MAP1A: variants seen among roughly 807,000 people sequenced by gnomAD.
The protein encoded by MAP1A is microtubule associated protein 1A, also known as microtubule-associated protein 1A.
Under a neutral mutation model 185.9 loss-of-function variants are expected in MAP1A, and 42 were observed. The observed-to-expected ratio is 0.23, with a 90% CI of 0.18 to 0.29. MAP1A has a LOEUF of 0.29. Among genes scored for constraint, MAP1A ranks in the 10% least tolerant of loss-of-function variants. The probability of loss-of-function intolerance (pLI) is 1.00; values close to 1 mark genes in which losing one functional copy is unlikely to be tolerated. For missense variants in MAP1A, 2,995 were observed against 3,450.4 expected, an observed-to-expected ratio of 0.87 and a Z score of 3.31; for synonymous variants, 1,229 against 1,335.9, an observed-to-expected ratio of 0.92 and a Z score of 1.74.
In MAP1A at chr15:43,524,906, C is replaced by A. The variant is rs1287340002; in HGVS notation, c.3433C>A (p.Leu1145Ile). ...GGTGCTCAGATATCCTGACCGAAGC[C>A]TCTCTCCTGAAGATGCAGAATCCCT... ...DEVLRYPDRS[L>I]SPEDAESLSV... The change falls in exon 4 of 6, where the codon CTC (leucine) becomes ATC (isoleucine). Residue 1145 changes from leucine (L) to isoleucine (I), a missense_variant. By Grantham distance (5) the Leu-to-Ile change is conservative. This residue lies in a region of MAP1A where 2,728 missense variants were observed against 2,986.0 expected (regional missense o/e 0.91). Coordinates refer to ENST00000300231, the MANE Select transcript of MAP1A (RefSeq NM_002373.6). The A allele has an allele frequency of 6.2e-7, 1 of 1,614,054 alleles. No individual in the cohort carries two copies. The highest frequency in any genetic ancestry group is 1.7e-5 in the Admixed American group (1 of 60,002).
chr15:43,511,106 G>T lies in MAP1A; in HGVS notation c.118G>T (p.Glu40Ter), dbSNP rs1180141066. ...TCAGAACCCCGCGGAGCTGCTGTGCGAGGCCGGAGCCGCGGTGGCGGCTGC... is the reference window on the plus strand; with the variant it reads ...TCAGAACCCCGCGGAGCTGCTGTGCTAGGCCGGAGCCGCGGTGGCGGCTGC... Residue 40 changes from glutamate to a stop codon, truncating the protein, a stop_gained, in exon 1 of 7, where the codon GAG becomes TAG. Transcript: ENST00000382031. LOFTEE classifies it high-confidence loss of function. The T allele has an allele frequency of 1.3e-6, 2 of 1,550,218 alleles. No individual in the cohort carries two copies. The highest frequency in any genetic ancestry group is 1.7e-6 in the Non-Finnish European group (2 of 1,146,854).
Position 43,526,006 on chromosome 15 carries a change from G to T in MAP1A, c.4533G>T (p.Pro1511=). Residue 1511 remains proline (P), a synonymous_variant, in exon 4 of 6, where the codon CCG becomes CCT. Coordinates refer to ENST00000300231, the MANE Select transcript of MAP1A (RefSeq NM_002373.6). The surrounding 1 kb of genome is among the most constrained non-coding windows in gnomAD (Gnocchi z 4.7). ...TCAGAAGTGTTGAACATAAGGCTCC[G>T]GAGGACACGGTCGCTGAAATGAAGG... ...QKVRSVEHKA[P]EDTVAEMKDR... 1 of 1,613,696 alleles carries T rather than the reference G, an allele frequency of 6.2e-7. No individual in the cohort carries two copies. Among genetic ancestry groups the T allele is most frequent in the South Asian group, 1.1e-5 (1 of 91,054 alleles).
In MAP1A at chr15:43,523,126, C is replaced by A; in HGVS notation, c.1653C>A (p.Asp551Glu). ...EERALLAEQR[D>E]TGLGDKPFPL... ...GGGCTTTGCTGGCTGAACAAAGGGA[C>A]ACAGGACTAGGAGATAAGCCATTCC... Residue 551 changes from aspartate to glutamate, a missense_variant, in exon 4 of 6, where the codon GAC becomes GAA. Around this residue, in one of 3 missense-constraint regions of MAP1A, gnomAD observed 2,728 missense variants for 2,986.0 expected, o/e 0.91. Coordinates refer to ENST00000300231, the MANE Select transcript of MAP1A (RefSeq NM_002373.6). 6.2e-7 allele frequency: 1 copy of A among 1,614,134 alleles called. No individual in the cohort carries two copies. The highest frequency in any genetic ancestry group is 8.5e-7 in the Non-Finnish European group (1 of 1,180,034).
In MAP1A at chr15:43,528,006, C is replaced by T. The variant is rs373300975; in HGVS notation, c.6533C>T (p.Pro2178Leu). The T allele has an allele frequency of 1.1e-5, 17 of 1,613,918 alleles. No homozygotes were observed. In the Middle Eastern group the frequency reaches 4.9e-4, roughly 47 times the overall value. ...FGFSSLQPAP[P>L]QLPSPAEPRS... The stretch of plus-strand genomic sequence containing the variant: ...TTCTCCTCATTGCAGCCAGCTCCCC[C>T]ACAGCTGCCCTCTCCAGCTGAACCC... Residue 2178 changes from proline (P) to leucine (L), a missense_variant, in exon 4 of 6, where the codon CCA (proline) becomes CTA (leucine). Physicochemically the swap from Pro to Leu is moderately conservative, Grantham distance 98. Transcript: ENST00000300231.
At position 43,528,685 on chromosome 15, in the gene MAP1A, C is replaced by T. The variant is rs747867359; in HGVS notation, c.7212C>T (p.Asp2404=). 23 of 1,613,688 alleles carry T rather than the reference C, an allele frequency of 1.4e-5. No individual in the cohort carries two copies. Among genetic ancestry groups the T allele is most frequent in the African/African-American group, 2.7e-5 (2 of 74,958 alleles). The stretch of plus-strand genomic sequence containing the variant: ...GAGCTGAGAGGAGCTCCCGGCCTGA[C>T]ACATTGCTCTCCCCTGAGCAGCCAG... The part of the protein sequence containing the change: ...PEGAERSSRP[D]TLLSPEQPVC... The change falls in exon 4 of 6, where the codon GAC becomes GAT. Residue 2404 remains aspartate (D), a synonymous_variant. Transcript: ENST00000300231.
Position 43,529,409 on chromosome 15 carries a change from C to T in MAP1A, c.7936C>T (p.Arg2646Ter). The change falls in exon 4 of 6, where the codon CGA becomes TGA. Residue 2646 changes from arginine (R) to a stop codon, truncating the protein, a stop_gained. Coordinates refer to ENST00000300231, the MANE Select transcript of MAP1A (RefSeq NM_002373.6). LOFTEE classifies it high-confidence loss of function. This position sits in a 1 kb window ranked among gnomAD's most constrained non-coding sequence, Gnocchi z 4.3. The part of the protein sequence containing the change: ...PADRASRAPP[R>*]PRSTTSQVTP... ...AGATCGAGCATCCCGGGCCCCACCT[C>T]GACCACGCAGCACCACAAGCCAGGT... 1.9e-6 allele frequency: 3 copies of T among 1,613,882 alleles called. No individual in the cohort carries two copies. Among genetic ancestry groups the T allele is most frequent in the Non-Finnish European group, 1.7e-6 (2 of 1,180,018 alleles).
Position 43,525,584 on chromosome 15 carries a change from G to C in MAP1A, c.4111G>C (p.Asp1371His). ...EPKDEVLQQK[D>H]KTLEHKEVVE... ...AAAGGATGAAGTTTTACAGCAGAAA[G>C]ACAAAACTCTGGAGCACAAGGAGGT... The change falls in exon 4 of 6, where the codon GAC becomes CAC. Residue 1371 changes from aspartate to histidine, a missense_variant. By Grantham distance (81) the Asp-to-His change is moderately conservative. Around this residue, in one of 3 missense-constraint regions of MAP1A, gnomAD observed 2,728 missense variants for 2,986.0 expected, o/e 0.91. Transcript: ENST00000300231. The C allele has an allele frequency of 6.2e-7, 1 of 1,614,186 alleles. No homozygotes were observed. The highest frequency in any genetic ancestry group is 8.5e-7 in the Non-Finnish European group (1 of 1,180,038).
upstream of MAP1A, among the ~76,000 whole-genome samples, chr15:43,515,438 G>A (rs1208136478): frequency 6.6e-6 from 1 of 152,158 alleles, no homozygotes; most frequent in African/African-American, 2.4e-5. Flanking sequence ...CATACTGCAG[G>A]CATCTTTAGT....
rs1316222846 is a variant in MAP1A, at chr15:43,528,952, T to C, written c.7479T>C (p.Pro2493=). 1 of 1,613,208 alleles carries C rather than the reference T, an allele frequency of 6.2e-7. No individual in the cohort carries two copies. Among genetic ancestry groups the C allele is most frequent in the Admixed American group, 1.7e-5 (1 of 60,020 alleles). The change falls in exon 4 of 6, where the codon CCT becomes CCC. Residue 2493 remains proline (P), a synonymous_variant. Coordinates refer to ENST00000300231, the MANE Select transcript of MAP1A (RefSeq NM_002373.6). The part of the protein sequence containing the change: ...GGPGTTGGPC[P]VTDETPPTSA... ...CAGGGACCACTGGGGGCCCATGCCC[T>C]GTGACTGATGAGACACCCCCTACAT...
chr15:43,527,643 T>G lies in MAP1A; in HGVS notation c.6170T>G (p.Leu2057Arg). The change falls in exon 4 of 6, where the codon CTC becomes CGC. Residue 2057 changes from leucine to arginine, a missense_variant. By Grantham distance (102) the Leu-to-Arg change is moderately radical. Transcript: ENST00000300231. Reference sequence around the variant, plus strand: ...CCAGGGCCAAGTATGGAGCCCAGCCTCACCCCACCTGCAGTTCCCCCCCGT... The same window carrying G: ...CCAGGGCCAAGTATGGAGCCCAGCCGCACCCCACCTGCAGTTCCCCCCCGT... ...PEPGPSMEPS[L>R]TPPAVPPRAP... 4 of 1,612,438 alleles carry G rather than the reference T, an allele frequency of 2.5e-6. No individual in the cohort carries two copies. In the South Asian group the frequency reaches 3.3e-5, roughly 13 times the overall value.
rs763672609 is a variant in MAP1A, at chr15:43,529,610, C to G, written c.8036-40C>G. On this transcript the variant is annotated intron_variant, in intron 4 of 5. Transcript: ENST00000300231. This position sits in a 1 kb window ranked among gnomAD's most constrained non-coding sequence, Gnocchi z 4.3. The stretch of plus-strand genomic sequence containing the variant: ...AGAGGGGAAGGTTGCCAAAAGGGTT[C>G]TACTTTTCCTCTACAATGAATCCTG... 6.2e-7 allele frequency: 1 copy of G among 1,609,928 alleles called. No individual in the cohort carries two copies. The highest frequency in any genetic ancestry group is 1.7e-5 in the Admixed American group (1 of 60,002).
chr15:43,515,817 C>G (rs1194679102), upstream of MAP1A, among the ~76,000 whole-genome samples: 2 of 151,488 alleles, frequency 1.3e-5, no homozygotes, highest in Non-Finnish European at 2.9e-5. Flanking sequence ...TCAAGCCTCT[C>G]TTTCTTCTTT....
chr15:43,523,975 G>T lies in MAP1A; in HGVS notation c.2502G>T (p.Glu834Asp). The T allele has an allele frequency of 6.2e-7, 1 of 1,614,122 alleles. No homozygotes were observed. Among genetic ancestry groups the T allele is most frequent in the Non-Finnish European group, 8.5e-7 (1 of 1,180,030 alleles). ...EHVSSATSIT[E>D]CDKLSSFATS... The stretch of plus-strand genomic sequence containing the variant: ...TGTCCTCGGCCACTTCAATCACTGA[G>T]TGTGACAAACTTTCTTCCTTTGCCA... The change falls in exon 4 of 6, where the codon GAG (glutamate) becomes GAT (aspartate). Residue 834 changes from glutamate (E) to aspartate (D), a missense_variant. By Grantham distance (45) the Glu-to-Asp change is conservative. Coordinates refer to ENST00000300231, the MANE Select transcript of MAP1A (RefSeq NM_002373.6).
chr15:43,523,091 C>A lies in MAP1A; in HGVS notation c.1618C>A (p.Arg540Ser). The stretch of plus-strand genomic sequence containing the variant: ...CACACAGGACTTTGAGGAGATGAAG[C>A]GTGAGGAGAGGGCTTTGCTGGCTGA... The part of the protein sequence containing the change: ...DLTQDFEEMK[R>S]EERALLAEQR... Residue 540 changes from arginine (R) to serine (S), a missense_variant, in exon 4 of 6, where the codon CGT becomes AGT. Physicochemically the swap from Arg to Ser is moderately radical, Grantham distance 110 (BLOSUM62 -1). Coordinates refer to ENST00000300231, the MANE Select transcript of MAP1A (RefSeq NM_002373.6). The A allele has an allele frequency of 6.2e-7, 1 of 1,614,110 alleles. No individual in the cohort carries two copies. The highest frequency in any genetic ancestry group is 8.5e-7 in the Non-Finnish European group (1 of 1,180,018).
At chr15:43,512,331 C>A in intron 2 of MAP1A, 1 of 1,398,716 alleles carries the variant, frequency 7.1e-7, no homozygotes, top group Non-Finnish European at 9.9e-7. Flanking sequence ...TGGGTAAGAG[C>A]TGGTCACAGA....
rs766583109 is a variant in MAP1A at position 43,523,863 on chromosome 15, C to T, written c.2390C>T (p.Thr797Ile). 3.1e-6 allele frequency: 5 copies of T among 1,614,200 alleles called. No homozygotes were observed. In the Admixed American group the frequency reaches 8.3e-5, roughly 27 times the overall value. Residue 797 changes from threonine to isoleucine, a missense_variant, in exon 4 of 6, where the codon ACC becomes ATC. Thr to Ile is a moderately conservative substitution (Grantham distance 89). Transcript: ENST00000300231. ...CCTGCCGATAGTGCTGTTCCTGCTA[C>T]CTCTGGCAAAGTCTATGGAACGCCA... is the stretch of plus-strand genomic sequence containing the variant. Reference protein sequence around the residue: ...SQPADSAVPATSGKVYGTPET... With the variant: ...SQPADSAVPAISGKVYGTPET...
Position 43,527,150 on chromosome 15 carries a change from G to A in MAP1A, c.5677G>A (p.Gly1893Arg), listed in dbSNP as rs769560401. 1 of 1,613,064 alleles carries A rather than the reference G, an allele frequency of 6.2e-7. No homozygotes were observed. Among genetic ancestry groups the A allele is most frequent in the South Asian group, 1.1e-5 (1 of 90,858 alleles). ...CAGTGTGGTGGCTGCAGTGCAGGAG[G>A]GGGCAGCTGAGTTGGAAGGTGGGCC... ...YDSVVAAVQE[G>R]AAELEGGPYS... Residue 1893 changes from glycine (G) to arginine (R), a missense_variant, in exon 4 of 6, where the codon GGG (glycine) becomes AGG (arginine). Around this residue, in one of 3 missense-constraint regions of MAP1A, gnomAD observed 2,728 missense variants for 2,986.0 expected, o/e 0.91. Coordinates refer to ENST00000300231, the MANE Select transcript of MAP1A (RefSeq NM_002373.6).
In MAP1A at chr15:43,520,623, C is replaced by G. The variant is rs1206943533; in HGVS notation, c.-374-18C>G. 27 of 1,457,060 alleles carry G rather than the reference C, an allele frequency of 1.9e-5. No homozygotes were observed. Among genetic ancestry groups the G allele is most frequent in the Non-Finnish European group, 2.4e-5 (26 of 1,063,194 alleles). 90.3% of individuals were successfully genotyped at this position (1,457,060 alleles called of 1,614,324 possible). A position where few individuals can be genotyped will look rare whatever the true frequency, so the allele number is the denominator to read the frequency against. On this transcript the variant is annotated intron_variant, in intron 1 of 5. Coordinates refer to ENST00000300231, the MANE Select transcript of MAP1A (RefSeq NM_002373.6). ...TCTATACCTATTCTCAATATAAATT[C>G]CTACATCTCTCCCTCAGGCCAGAGG...
intron 1 of MAP1A, 40 bp downstream of exon 1, chr15:43,517,740 CTG>C: frequency 2.6e-6 from 2 of 758,828 alleles, no homozygotes; most frequent in Non-Finnish European, 3.2e-6. Flanking sequence ...TGGGGGTACA[CTG>C]TGATAGGGAG....
Sources: allele counts gnomAD v4.1 joint callset (sites outside exome capture counted in the v4.1 genomes callset), GRCh38; gene constraint gnomAD v4.1.1; regional missense constraint gnomAD v4.1.1; non-coding constraint Gnocchi (gnomAD v3.1); transcripts MANE v1.5; gene names NCBI Gene and HGNC (gene_info 2026-07-23, HGNC 2026-07-21).